The following MPP7 variants were observed in gnomAD, a reference collection of about 807,000 sequenced individuals.
MPP7 encodes MAGUK p55 subfamily member 7.
A neutral mutation model predicts 76.5 loss-of-function variants in MPP7; 60 were observed. That is an observed-to-expected ratio of 0.78 (90% CI 0.64 to 0.97). MPP7 has a LOEUF of 0.97. MPP7 is among the 50% of genes least tolerant of loss of function. The probability of loss-of-function intolerance (pLI) is 0.00; values close to 1 mark genes in which losing one functional copy is unlikely to be tolerated. For missense variants in MPP7, 641 were observed against 694.0 expected, an observed-to-expected ratio of 0.92 and a Z score of 0.86; for synonymous variants, 237 against 244.5, an observed-to-expected ratio of 0.97 and a Z score of 0.29.
intron 2 of MPP7, among the ~76,000 whole-genome samples, chr10:28,232,871 T>C (rs1472912073): frequency 6.6e-6 from 1 of 152,218 alleles, no homozygotes; most frequent in Admixed American, 6.5e-5. Context: ...CCAGGTCACA[T>C]GGATGCTGGC....
chr10:28,332,326 T>C (rs1007275554), intron 1 of MPP7, among the ~76,000 whole-genome samples: 2 of 151,786 alleles, frequency 1.3e-5, no homozygotes, highest in Admixed American at 6.6e-5. Flanking sequence ...ATTTCCCATC[T>C]ATTTCTCTAA....
At chr10:28,159,822 G>A (rs867176317) in intron 3 of MPP7, among the ~76,000 whole-genome samples, 2 of 152,148 alleles carry the variant, frequency 1.3e-5, no homozygotes, top group Non-Finnish European at 2.9e-5. Context: ...GCTTACCCAT[G>A]CATAGTTTCA....
At chr10:28,243,073 G>A (rs975416358) in intron 1 of MPP7, among the ~76,000 whole-genome samples, 2 of 151,840 alleles carry the variant, frequency 1.3e-5, no homozygotes, top group South Asian at 2.1e-4. Context: ...CTTTGATCAT[G>A]GAACTTTTTT....
intron 2 of MPP7, among the ~76,000 whole-genome samples, chr10:28,204,617 G>T (rs960190829): frequency 2.0e-5 from 3 of 152,278 alleles, no homozygotes; most frequent in Non-Finnish European, 4.4e-5. Context: ...GAAGAAAGTA[G>T]CTGAGGGGTA....
chr10:28,113,355 G>C (rs1490161092), intron 11 of MPP7, among the ~76,000 whole-genome samples: 1 of 152,072 alleles, frequency 6.6e-6, no homozygotes, highest in African/African-American at 2.4e-5. Flanking sequence ...TGGGATCTGT[G>C]AGTAATACAC....
In MPP7 at chr10:28,059,747, T is replaced by G; in HGVS notation, c.1205-4A>C. 6.2e-7 allele frequency: 1 copy of G among 1,603,366 alleles called. No individual in the cohort carries two copies. Among genetic ancestry groups the G allele is most frequent in the African/African-American group, 1.3e-5 (1 of 74,808 alleles). On this transcript the variant is annotated splice_polypyrimidine_tract_variant and splice_region_variant and intron_variant, in intron 13 of 16. Transcript: ENST00000683449. Reference sequence around the variant, plus strand: ...CTTCTTCTTGCTCTGGTGGTATCTATGATTTAATGAAAAGGAGTTTAGAAA... The same window carrying G: ...CTTCTTCTTGCTCTGGTGGTATCTAGGATTTAATGAAAAGGAGTTTAGAAA...
chr10:28,295,053 C>A (rs1322179790), intron 1 of MPP7, among the ~76,000 whole-genome samples: 1 of 152,180 alleles, frequency 6.6e-6, no homozygotes, highest in East Asian at 1.9e-4. Flanking sequence ...CCTCCCCTCC[C>A]AGACCGACTG....
intron 3 of MPP7, among the ~76,000 whole-genome samples, chr10:28,153,887 G>A (rs1835962932): frequency 6.6e-6 from 1 of 152,040 alleles, no homozygotes. Flanking sequence ...GAAAATTACT[G>A]CCCAGTAGTT....
At chr10:28,079,344 T>C (rs1034061139) in intron 12 of MPP7, among the ~76,000 whole-genome samples, 16 of 150,744 alleles carry the variant, frequency 1.1e-4, no homozygotes, top group Admixed American at 7.3e-4. Context: ...TACAGACATA[T>C]ACCACAAAAA....
rs76311730 is a variant in MPP7 at position 28,228,788 on chromosome 10, A to T, written c.37+9780T>A. ...AAAAAACAGAAAAAAAGAAAAGAAA[A>T]AAAACTAAGCAGTTGCTTCTTATAA... On this transcript the variant is annotated intron_variant, in intron 2 of 16. Transcript: ENST00000683449. 9.9e-3 allele frequency among the ~76,000 whole-genome samples: 1,505 copies of T among 152,222 alleles called. 25 individuals are homozygous for T. The highest frequency in any genetic ancestry group is 0.065 in the East Asian group (336 of 5,186).
chr10:28,132,533 G>A (rs766033648), intron 5 of MPP7, among the ~76,000 whole-genome samples: 14 of 152,166 alleles, frequency 9.2e-5, no homozygotes, highest in African/African-American at 2.9e-4. Flanking sequence ...AGGCTCAAGC[G>A]ATCCTAATTC....
chr10:28,266,441 G>C (rs1024569871), intron 1 of MPP7, among the ~76,000 whole-genome samples: 2 of 152,078 alleles, frequency 1.3e-5, no homozygotes, highest in Non-Finnish European at 2.9e-5. Flanking sequence ...ATATAGTTTT[G>C]CCATGAAGAA....
chr10:28,252,265 G>A (rs1232654731), intron 1 of MPP7, among the ~76,000 whole-genome samples: 2 of 152,202 alleles, frequency 1.3e-5, no homozygotes, highest in African/African-American at 4.8e-5. Context: ...CAGAATCTAT[G>A]AGTCTAGATT....
intron 3 of MPP7, among the ~76,000 whole-genome samples, chr10:28,201,940 T>C (rs924804747): frequency 1.3e-5 from 2 of 152,204 alleles, no homozygotes; most frequent in African/African-American, 2.4e-5. Context: ...ACATGGTTGC[T>C]ACATTAGTAT....
intron 1 of MPP7, among the ~76,000 whole-genome samples, chr10:28,243,249 T>A (rs1839328801): frequency 6.6e-6 from 1 of 152,178 alleles, no homozygotes. Flanking sequence ...ATCAGAATTT[T>A]AAAAACTTGC....
At chr10:28,276,211 A>G (rs1840492118) in intron 1 of MPP7, among the ~76,000 whole-genome samples, 1 of 151,688 alleles carries the variant, frequency 6.6e-6, no homozygotes, top group South Asian at 2.1e-4. Context: ...TTGTATTTTT[A>G]GTAGAGACGG....
chr10:28,245,841 T>C (rs1839416036), intron 1 of MPP7, among the ~76,000 whole-genome samples: 1 of 148,512 alleles, frequency 6.7e-6, no homozygotes, highest in Non-Finnish European at 1.5e-5. Context: ...AATACAATAA[T>C]GGAATTGAAA....
At chr10:28,080,774 G>A (rs565750135) in intron 12 of MPP7, among the ~76,000 whole-genome samples, 4 of 152,204 alleles carry the variant, frequency 2.6e-5, no homozygotes, top group Middle Eastern at 3.4e-3. Flanking sequence ...TTACATACAA[G>A]GGTTATAATT....
intron 1 of MPP7, among the ~76,000 whole-genome samples, chr10:28,268,694 C>A (rs536165863): frequency 5.3e-5 from 8 of 151,358 alleles, no homozygotes; most frequent in African/African-American, 9.7e-5. Flanking sequence ...GAGAATGCAC[C>A]ACTGCACTCC....
Sources: allele counts gnomAD v4.1 joint callset (sites outside exome capture counted in the v4.1 genomes callset), GRCh38; gene constraint gnomAD v4.1.1; transcripts MANE v1.5; gene names NCBI Gene and HGNC (gene_info 2026-07-23, HGNC 2026-07-21).